DHRS9: variants seen among roughly 807,000 people sequenced by gnomAD.
The protein encoded by DHRS9 is dehydrogenase/reductase SDR family member 9.
A neutral mutation model predicts 26.6 loss-of-function variants in DHRS9; 18 were observed. That is an observed-to-expected ratio of 0.68 (90% CI 0.47 to 1.00). The LOEUF (loss-of-function observed/expected upper bound fraction) is 1.00, where lower values mean the gene tolerates loss of function less well. DHRS9 is among the 50% of genes least tolerant of loss of function. The pLI is 0.00. For synonymous variants in DHRS9, 134 were observed against 141.1 expected, an observed-to-expected ratio of 0.95 and a Z score of 0.36; for missense variants, 425 against 378.7, an observed-to-expected ratio of 1.12 and a Z score of -1.01.
Position 169,083,356 on chromosome 2 carries a change from G to C in DHRS9, c.341G>C (p.Gly114Ala). 1.9e-6 allele frequency: 3 copies of C among 1,614,062 alleles called. No homozygotes were observed. The highest frequency in any genetic ancestry group is 1.1e-5 in the South Asian group (1 of 91,068). Residue 114 changes from glycine to alanine, a missense_variant, in exon 3 of 5, where the codon GGT becomes GCT. Physicochemically the swap from Gly to Ala is moderately conservative, Grantham distance 60 (BLOSUM62 0). Transcript: ENST00000674881. ...KGLWGLINNA[G>A]VPGVLAPTDW... ...CTCTGGGGTCTGATCAATAATGCTG[G>C]TGTTCCCGGCGTGCTGGCTCCCACT...
rs369758063 is a variant in DHRS9, at chr2:169,077,112, G to C, written c.-59-4411G>C. On this transcript the variant is annotated intron_variant, in intron 1 of 4. Coordinates refer to ENST00000674881, the MANE Select transcript of DHRS9 (RefSeq NM_001376924.1). ...GGGATCCAACAGCCCACGTTGTTCA[G>C]ATGTCAGCTGTGCTTATTTTCTCAA... Among the ~76,000 whole-genome samples, 14 of 152,312 alleles carry C rather than the reference G, an allele frequency of 9.2e-5. 1 individual carries two copies. Among genetic ancestry groups the C allele is most frequent in the African/African-American group, 3.4e-4 (14 of 41,582 alleles).
chr2:169,095,319 C>G (rs1307387507), intron 4 of DHRS9, among the ~76,000 whole-genome samples: 1 of 152,078 alleles, frequency 6.6e-6, no homozygotes, highest in African/African-American at 2.4e-5. Flanking sequence ...TTAATGAGCT[C>G]TCTAGAAGAA....
intron 3 of DHRS9, among the ~76,000 whole-genome samples, 182 bp downstream of exon 3, chr2:169,083,769 A>G (rs1344141317): frequency 6.6e-6 from 1 of 152,192 alleles, no homozygotes; most frequent in East Asian, 1.9e-4. Flanking sequence ...TAAGTATACA[A>G]TGCATAGTAA....
At position 169,091,560 on chromosome 2, in the gene DHRS9, G is replaced by T. The variant is rs544239559; in HGVS notation, c.573-230G>T. 9.8e-5 allele frequency among the ~76,000 whole-genome samples: 15 copies of T among 152,306 alleles called. No individual in the cohort carries two copies. The South Asian group carries it at 1.2e-3, about 13-fold the overall frequency. ...GAAGAACAACAGTGGACTGGGGGTG[G>T]TGTCCACCCAGATCCCTTTCCTGTC... On this transcript the variant is annotated intron_variant, in intron 3 of 4. Transcript: ENST00000674881.
rs67379629 is a variant in DHRS9 at position 169,081,966 on chromosome 2, A to G, written c.313+72A>G. 0.011 allele frequency: 15,947 copies of G among 1,427,798 alleles called. 631 individuals carry two copies. In the East Asian group the frequency reaches 0.14, roughly 13 times the overall value. 88.4% of individuals were successfully genotyped at this position (1,427,798 alleles called of 1,614,324 possible). Reference sequence around the variant, plus strand: ...GGAGGTAACCAAAGCTAAATAAAACATGCTCAAGTTTTAAATGGCCTTTCG... The same window carrying G: ...GGAGGTAACCAAAGCTAAATAAAACGTGCTCAAGTTTTAAATGGCCTTTCG... On this transcript the variant is annotated intron_variant, in intron 2 of 4. Transcript: ENST00000674881.
At chr2:169,092,802 T>C (rs1684572189) in intron 4 of DHRS9, among the ~76,000 whole-genome samples, 1 of 152,140 alleles carries the variant, frequency 6.6e-6, no homozygotes, top group South Asian at 2.1e-4. Flanking sequence ...TAGTAAATAT[T>C]TACTATGTAC....
intron 3 of DHRS9, among the ~76,000 whole-genome samples, chr2:169,084,483 A>ACAT (rs1684290490): frequency 1.3e-5 from 2 of 152,248 alleles, no homozygotes; most frequent in East Asian, 3.9e-4. Flanking sequence ...CCCTTTTCTC[A>ACAT]CATCATCATC....
At chr2:169,086,792 A>G (rs1408552264) in intron 3 of DHRS9, among the ~76,000 whole-genome samples, 1 of 152,232 alleles carries the variant, frequency 6.6e-6, no homozygotes, top group Non-Finnish European at 1.5e-5. Context: ...AAGATCCAGA[A>G]GAATTATCTG....
intron 3 of DHRS9, among the ~76,000 whole-genome samples, chr2:169,088,439 G>A (rs1684419900): frequency 6.6e-6 from 1 of 152,194 alleles, no homozygotes; most frequent in Non-Finnish European, 1.5e-5. Flanking sequence ...TCAGTGATAT[G>A]AAGTTAAAGT....
At position 169,095,440 on chromosome 2, in the gene DHRS9, A is replaced by G. The variant is rs149972449; in HGVS notation, c.737-104A>G. The G allele has an allele frequency of 4.3e-3, 3,821 of 889,024 alleles. 11 individuals are homozygous for G. The highest frequency in any genetic ancestry group is 9.4e-3 in the African/African-American group (565 of 60,224). 55.1% of individuals were successfully genotyped at this position (889,024 alleles called of 1,614,324 possible). Reference sequence around the variant, plus strand: ...AAATGAGCCTCAATTATAATGGACAATTCAGAATAAATCCCCTTGTATCCA... The same window carrying G: ...AAATGAGCCTCAATTATAATGGACAGTTCAGAATAAATCCCCTTGTATCCA... On this transcript the variant is annotated intron_variant, in intron 4 of 4. Coordinates refer to ENST00000674881, the MANE Select transcript of DHRS9 (RefSeq NM_001376924.1).
intron 3 of DHRS9, among the ~76,000 whole-genome samples, chr2:169,084,494 A>G (rs756324327): frequency 6.6e-6 from 1 of 152,130 alleles, no homozygotes; most frequent in Non-Finnish European, 1.5e-5. Flanking sequence ...CATCATCATC[A>G]GCATTTGTTA....
intron 1 of DHRS9, chr2:169,070,087 G>C: frequency 1.0e-6 from 1 of 985,416 alleles, no homozygotes. Flanking sequence ...AGGATTCTTA[G>C]ATGAGTTTCT....
At chr2:169,080,719 T>C (rs1684155559) in intron 1 of DHRS9, among the ~76,000 whole-genome samples, 2 of 151,980 alleles carry the variant, frequency 1.3e-5, no homozygotes, top group African/African-American at 4.9e-5. Flanking sequence ...GCTTCCGTTT[T>C]ACAGCATACA....
chr2:169,077,093 C>T (rs183985937), intron 1 of DHRS9, among the ~76,000 whole-genome samples: 19 of 152,208 alleles, frequency 1.2e-4, no homozygotes, highest in South Asian at 2.1e-4. Flanking sequence ...ATATGGGATC[C>T]AACAGCCCAC....
At chr2:169,095,470 C>T in intron 4 of DHRS9, 74 bp from the exon 5 acceptor site, 1 of 1,168,394 alleles carries the variant, frequency 8.6e-7, no homozygotes, top group Non-Finnish European at 1.3e-6. Flanking sequence ...TATCCATCCT[C>T]CCCTTTGCAC....
Position 169,083,526 on chromosome 2 carries a change from A to G in DHRS9, c.511A>G (p.Ile171Val), listed in dbSNP as rs771524550. The G allele has an allele frequency of 3.7e-6, 6 of 1,613,970 alleles. No homozygotes were observed. Among genetic ancestry groups the G allele is most frequent in the African/African-American group, 2.7e-5 (2 of 74,902 alleles). Reference protein sequence around the residue: ...NVSSVGGRLAIVGGGYTPSKY... With the variant: ...NVSSVGGRLAVVGGGYTPSKY... ...CTCCAGTGTTGGAGGTCGCCTTGCA[A>G]TCGTTGGAGGGGGCTATACTCCATC... The change falls in exon 3 of 5, where the codon ATC becomes GTC. Residue 171 changes from isoleucine to valine, a missense_variant. By Grantham distance (29) the Ile-to-Val change is conservative. Transcript: ENST00000674881.
intron 1 of DHRS9, chr2:169,080,917 T>C (rs1475851998): frequency 1.3e-5 from 2 of 152,916 alleles, no homozygotes; most frequent in Non-Finnish European, 2.9e-5. Flanking sequence ...CCCACTTTAA[T>C]ACTCATCTGC....
At chr2:169,071,601 C>T (rs1460906161) in intron 1 of DHRS9, among the ~76,000 whole-genome samples, 2 of 152,106 alleles carry the variant, frequency 1.3e-5, no homozygotes, top group African/African-American at 2.4e-5. Context: ...CTCCATGCCT[C>T]GCTGTCCCAG....
At chr2:169,088,690 G>A (rs1684427767) in intron 3 of DHRS9, among the ~76,000 whole-genome samples, 1 of 152,110 alleles carries the variant, frequency 6.6e-6, no homozygotes, top group Non-Finnish European at 1.5e-5. Flanking sequence ...CTGGTAAGTG[G>A]CAGAACTGAG....
Sources: gnomAD v4.1 joint callset for allele counts (sites outside exome capture counted in the v4.1 genomes callset) on GRCh38, gnomAD v4.1.1 for gene constraint, MANE v1.5 for transcripts, NCBI Gene and HGNC (gene_info 2026-07-23, HGNC 2026-07-21) for gene names.